The following ESCO2 variants were observed in gnomAD, a reference collection of about 807,000 sequenced individuals.
ESCO2 encodes the protein establishment of sister chromatid cohesion N-acetyltransferase 2.
A neutral mutation model predicts 61.7 loss-of-function variants in ESCO2; 51 were observed. The observed-to-expected ratio is 0.83, with a 90% CI of 0.66 to 1.04. The LOEUF (loss-of-function observed/expected upper bound fraction) is 1.04, where lower values mean the gene tolerates loss of function less well. Ranked by LOEUF, ESCO2 falls within the 50% of genes least tolerant of loss-of-function variation. The pLI, the probability that ESCO2 is intolerant of heterozygous loss-of-function variation, is 0.00. For synonymous variants in ESCO2, 230 were observed against 238.2 expected (o/e 0.97, Z 0.32); for missense variants, 692 against 686.2 (o/e 1.01, Z -0.09).
Position 27,799,443 on chromosome 8 carries a change from TAA to T in ESCO2, c.1498-97_1498-96del. ...ATATTTTTTAACATACTTGGAGATATAAGTTAAATTTTTGATACTTATTTAAG... is the reference window on the plus strand; with the variant it reads ...ATATTTTTTAACATACTTGGAGATATGTTAAATTTTTGATACTTATTTAAG... On this transcript the variant is annotated intron_variant, in intron 9 of 10. Coordinates refer to ENST00000305188, the MANE Select transcript of ESCO2 (RefSeq NM_001017420.3). 5 of 1,192,668 alleles carry T rather than the reference TAA, an allele frequency of 4.2e-6. No individual in the cohort carries two copies. In the South Asian group the frequency reaches 4.9e-5, roughly 12 times the overall value. The allele number at this position is 1,192,668 out of a possible 1,614,324, so 73.9% of individuals were successfully genotyped here.
chr8:27,786,874 T>TC (rs977052557), intron 5 of ESCO2, among the ~76,000 whole-genome samples: 1 of 143,602 alleles, frequency 7.0e-6, no homozygotes, highest in African/African-American at 2.5e-5. Context: ...TTTTTTTTTT[T>TC]CTTTCTTATT....
chr8:27,793,832 G>A (rs1456739888), intron 9 of ESCO2, among the ~76,000 whole-genome samples: 2 of 152,068 alleles, frequency 1.3e-5, no homozygotes, highest in Non-Finnish European at 2.9e-5. Context: ...CCATACAATA[G>A]ATCTGCAGAA....
Position 27,776,631 on chromosome 8 carries a change from C to A in ESCO2, c.323C>A (p.Thr108Asn), listed in dbSNP as rs771661747. The change falls in exon 3 of 11, where the codon ACT (threonine) becomes AAT (asparagine). Residue 108 changes from threonine (T) to asparagine (N), a missense_variant. Thr to Asn is a moderately conservative substitution (Grantham distance 65, BLOSUM62 0). Transcript: ENST00000305188. ...AAGCTGATAAAAGAGAGTAGATCTA[C>A]TTGTCTAAAAACTAATGATGAAGAT... ...ERKLIKESRS[T>N]CLKTNDEDKS... The A allele has an allele frequency of 2.7e-5, 43 of 1,613,988 alleles. No homozygotes were observed. Among genetic ancestry groups the A allele is most frequent in the Non-Finnish European group, 3.6e-5 (43 of 1,180,002 alleles).
At chr8:27,796,510 ATCTT>A (rs749137735) in intron 9 of ESCO2, among the ~76,000 whole-genome samples, 9 of 151,570 alleles carry the variant, frequency 5.9e-5, no homozygotes, top group Non-Finnish European at 7.4e-5. Context: ...GCTACTTGAG[ATCTT>A]TCTTCTTTTT....
chr8:27,808,118 A>AT (rs962353173), downstream of ESCO2: 92 of 550,088 alleles, frequency 1.7e-4, no homozygotes, highest in Non-Finnish European at 2.2e-4. Flanking sequence ...TATATATAGC[A>AT]TTTTTTTATA....
Position 27,803,780 on chromosome 8 carries a change from T to G in ESCO2, c.*342T>G. The G allele has an allele frequency of 9.6e-7, 1 of 1,040,814 alleles. No homozygotes were observed. Among genetic ancestry groups the G allele is most frequent in the African/African-American group, 1.7e-5 (1 of 58,378 alleles). 64.5% of individuals were successfully genotyped at this position (1,040,814 alleles called of 1,614,324 possible). On this transcript the variant is annotated 3_prime_UTR_variant, in exon 11 of 11. Transcript: ENST00000305188. ...ACAAAGTGATTTTTCTCTAGAAATG[T>G]GACCTGGTCTTTTATAAAGCCCACT... is the stretch of plus-strand genomic sequence containing the variant.
intron 4 of ESCO2, among the ~76,000 whole-genome samples, chr8:27,780,784 A>G (rs942897020): frequency 6.6e-6 from 1 of 152,236 alleles, no homozygotes; most frequent in African/African-American, 2.4e-5. Context: ...ATTCCTGTCA[A>G]TTCTGAAATC....
Position 27,804,943 on chromosome 8 carries a change from A to G in ESCO2, c.*1505A>G, listed in dbSNP as rs575568714. The G allele has an allele frequency of 3.0e-6, 1 of 338,318 alleles. No individual in the cohort carries two copies. Among genetic ancestry groups the G allele is most frequent in the South Asian group, 1.2e-4 (1 of 8,392 alleles). The allele number at this position is 338,318 out of a possible 1,614,324, so 21.0% of individuals were successfully genotyped here. On this transcript the variant is annotated 3_prime_UTR_variant, in exon 11 of 11. Transcript: ENST00000305188. Reference sequence around the variant, plus strand: ...AATTATTTTATTATGAAAATAGTATATGTTAAATAAAATTCAGATAATACA... The same window carrying G: ...AATTATTTTATTATGAAAATAGTATGTGTTAAATAAAATTCAGATAATACA...
intron 5 of ESCO2, among the ~76,000 whole-genome samples, chr8:27,785,543 T>TA (rs1805020775): frequency 6.6e-6 from 1 of 151,842 alleles, no homozygotes; most frequent in South Asian, 2.1e-4. Flanking sequence ...TTCCAAAAAA[T>TA]ACAGAAATTA....
chr8:27,789,775 C>T (rs1805131946), intron 7 of ESCO2, among the ~76,000 whole-genome samples: 1 of 144,704 alleles, frequency 6.9e-6, no homozygotes, highest in Admixed American at 6.8e-5. Context: ...GAGCAAAACT[C>T]CATCTCAAAA....
upstream of ESCO2, chr8:27,773,723 T>C (rs759538217): frequency 2.0e-5 from 3 of 152,188 alleles, no homozygotes; most frequent in Non-Finnish European, 4.4e-5. Flanking sequence ...AAGGATGACA[T>C]ACAAATTTGT....
At position 27,803,745 on chromosome 8, in the gene ESCO2, A is replaced by G; in HGVS notation, c.*307A>G. On this transcript the variant is annotated 3_prime_UTR_variant, in exon 11 of 11. Coordinates refer to ENST00000305188, the MANE Select transcript of ESCO2 (RefSeq NM_001017420.3). ...GGAAAATTACCTGACTCTTTGTAAG[A>G]GTATTAAATACAAAGTGATTTTTCT... 1.8e-6 allele frequency: 2 copies of G among 1,117,642 alleles called. No individual in the cohort carries two copies. The highest frequency in any genetic ancestry group is 2.7e-5 in the South Asian group (1 of 37,260). 69.2% of individuals were successfully genotyped at this position (1,117,642 alleles called of 1,614,324 possible).
chr8:27,818,537 TAGTA>T, the ESCO2 span, among the ~76,000 whole-genome samples: 2 of 152,216 alleles, frequency 1.3e-5, no homozygotes, highest in Non-Finnish European at 2.9e-5. Flanking sequence ...TTTAAAACAT[TAGTA>T]AGAACATTAC....
downstream of ESCO2, chr8:27,808,272 C>A: frequency 8.7e-7 from 1 of 1,155,454 alleles, no homozygotes; most frequent in South Asian, 1.5e-5. Flanking sequence ...TGATTATCTC[C>A]TTTTATGGAG....
chr8:27,799,451 AT>A (rs933317717), intron 9 of ESCO2, 89 bp from the exon 10 acceptor site: 14 of 1,324,698 alleles, frequency 1.1e-5, no homozygotes, highest in Non-Finnish European at 1.5e-5. Context: ...TATAAGTTAA[AT>A]TTTTGATACT....
At chr8:27,792,267 C>T (rs1805194108) in intron 8 of ESCO2, among the ~76,000 whole-genome samples, 1 of 152,076 alleles carries the variant, frequency 6.6e-6, no homozygotes. Context: ...TCATCTTTCC[C>T]TTGTGAAAGA....
intron 9 of ESCO2, among the ~76,000 whole-genome samples, chr8:27,793,350 G>A (rs1294588689): frequency 2.0e-5 from 3 of 151,942 alleles, no homozygotes; most frequent in Non-Finnish European, 4.4e-5. Context: ...CAGTGTACAT[G>A]TGATATTTTG....
At chr8:27,777,192 A>G in intron 3 of ESCO2, 23 bp downstream of exon 3, 1 of 1,588,578 alleles carries the variant, frequency 6.3e-7, no homozygotes. Flanking sequence ...ATATCACTTT[A>G]AAAATGGCTG....
At chr8:27,811,208 G>GT, downstream of ESCO2, 1 of 1,357,498 alleles carries the variant, frequency 7.4e-7, no homozygotes, top group Non-Finnish European at 1.0e-6. Flanking sequence ...AGGGAAACAG[G>GT]CGAACGATTT....
Sources: allele counts gnomAD v4.1 joint callset (sites outside exome capture counted in the v4.1 genomes callset), GRCh38; gene constraint gnomAD v4.1.1; transcripts MANE v1.5; gene names NCBI Gene and HGNC (gene_info 2026-07-23, HGNC 2026-07-21).